The following FBXO38 variants were observed in gnomAD, a reference collection of about 807,000 sequenced individuals.
FBXO38 encodes F-box protein 38, also known as F-box only protein 38.
FBXO38 carries 53 observed loss-of-function variants against 131.9 expected under a neutral mutation model. The ratio of observed to expected loss-of-function variants is 0.40; its 90% CI spans 0.32 to 0.51. FBXO38 has a LOEUF of 0.51. FBXO38 is among the 20% of genes least tolerant of loss of function. FBXO38 has a pLI of 0.53. For synonymous variants in FBXO38, 452 were observed against 505.6 expected, an observed-to-expected ratio of 0.89 and a Z score of 1.42; for missense variants, 1,076 against 1,475.6, an observed-to-expected ratio of 0.73 and a Z score of 4.44.
intron 17 of FBXO38, chr5:148,434,717 A>G (rs1362273222): frequency 6.6e-6 from 1 of 152,230 alleles, no homozygotes; most frequent in Non-Finnish European, 1.5e-5. Flanking sequence ...CAGCACATAT[A>G]AAAGTTACGT....
intron 17 of FBXO38, 90 bp downstream of exon 17, chr5:148,433,827 T>C (rs993763595): frequency 1.8e-5 from 12 of 660,094 alleles, no homozygotes; most frequent in Non-Finnish European, 2.8e-5. Flanking sequence ...ATTACTGTCT[T>C]ATTTTCTTAA....
At chr5:148,410,443 G>C (rs1162896444) in intron 8 of FBXO38, 192 bp from the exon 9 acceptor site, 1 of 607,904 alleles carries the variant, frequency 1.6e-6, no homozygotes, top group Non-Finnish European at 2.8e-6. Flanking sequence ...GCTCCTTTTT[G>C]CCTTCAGCCA....
At chr5:148,409,264 G>A (rs1561525327) in intron 8 of FBXO38, 47 bp downstream of exon 8, 1 of 1,266,098 alleles carries the variant, frequency 7.9e-7, no homozygotes, top group African/African-American at 1.5e-5. Context: ...AAGTAATTAT[G>A]TTTTTCCCTA....
intron 1 of FBXO38, among the ~76,000 whole-genome samples, chr5:148,393,188 G>GGGGTGTGTGTGTGTGT (rs1420907423): frequency 2.4e-5 from 3 of 127,036 alleles, no homozygotes; most frequent in East Asian, 4.8e-4. Context: ...ACAGAAGAGG[G>GGGGTGTGTGTGTGTGT]GTGTGTGTGT....
At position 148,442,210 on chromosome 5, in the gene FBXO38, G is replaced by A; in HGVS notation, c.*63G>A. ...CAAGTAGGGCCATCCAGCTGCCAGA[G>A]TGCTCCACAGGGACTTGAGGCATGC... is the stretch of plus-strand genomic sequence containing the variant. On this transcript the variant is annotated 3_prime_UTR_variant, in exon 22 of 22. Coordinates refer to ENST00000340253, the MANE Select transcript of FBXO38 (RefSeq NM_205836.3). The A allele has an allele frequency of 2.0e-6, 3 of 1,519,166 alleles. No homozygotes were observed. The highest frequency in any genetic ancestry group is 2.7e-6 in the Non-Finnish European group (3 of 1,104,812). The allele number at this position is 1,519,166 out of a possible 1,614,324, so 94.1% of individuals were successfully genotyped here. A position where few individuals can be genotyped will look rare whatever the true frequency, so the allele number is the denominator to read the frequency against.
Position 148,401,932 on chromosome 5 carries a change from T to G in FBXO38, c.263-50T>G, listed in dbSNP as rs768532368. On this transcript the variant is annotated intron_variant, in intron 3 of 21. Transcript: ENST00000340253. ...AAAAATCACGAGTGCCTAGTAAATG[T>G]TAATGAACAGAAAGATGAACCTGGC... is the stretch of plus-strand genomic sequence containing the variant. 2.6e-6 allele frequency: 4 copies of G among 1,516,978 alleles called. No homozygotes were observed. In the African/African-American group the frequency reaches 5.6e-5, roughly 21 times the overall value. The allele number at this position is 1,516,978 out of a possible 1,614,324, so 94.0% of individuals were successfully genotyped here.
intron 12 of FBXO38, among the ~76,000 whole-genome samples, chr5:148,420,274 C>T (rs952105445): frequency 6.6e-6 from 1 of 151,864 alleles, no homozygotes; most frequent in Admixed American, 6.6e-5. Context: ...AAACGCGTGA[C>T]ACCACTCTCA....
At chr5:148,406,181 A>G (rs1752434915) in intron 6 of FBXO38, 76 bp from the exon 7 acceptor site, 1 of 1,355,088 alleles carries the variant, frequency 7.4e-7, no homozygotes, top group African/African-American at 1.5e-5. Context: ...TATAAGTTAT[A>G]CATGTCTTTC....
At chr5:148,434,817 C>G (rs1754250498) in intron 17 of FBXO38, 1 of 152,188 alleles carries the variant, frequency 6.6e-6, no homozygotes, top group Admixed American at 6.5e-5. Flanking sequence ...ATTGGCCAGG[C>G]ACGGTGGCTC....
Position 148,439,740 on chromosome 5 carries a change from C to G in FBXO38, c.3118C>G (p.Arg1040Gly). Residue 1040 changes from arginine to glycine, a missense_variant, in exon 19 of 22, where the codon CGG (arginine) becomes GGG (glycine). Physicochemically the swap from Arg to Gly is moderately radical, Grantham distance 125. Coordinates refer to ENST00000340253, the MANE Select transcript of FBXO38 (RefSeq NM_205836.3). ...IHEFSNPPNV[R>G]NKVRIRSWMD... ...TGAATTCAGTAACCCTCCCAATGTC[C>G]GGAATAAGGTGCGCATTCGCAGCTG... 6.2e-7 allele frequency: 1 copy of G among 1,613,982 alleles called. No homozygotes were observed. Among genetic ancestry groups the G allele is most frequent in the Non-Finnish European group, 8.5e-7 (1 of 1,179,936 alleles).
chr5:148,410,900 A>G, intron 9 of FBXO38, 135 bp downstream of exon 9: 4 of 740,732 alleles, frequency 5.4e-6, no homozygotes, highest in Non-Finnish European at 8.4e-6. Context: ...ACGTCTTGAA[A>G]AATAAACTTT....
intron 17 of FBXO38, 116 bp from the exon 18 acceptor site, chr5:148,438,216 A>G (rs1011342827): frequency 2.3e-6 from 2 of 854,544 alleles, no homozygotes; most frequent in African/African-American, 1.7e-5. Flanking sequence ...GTACTCTATG[A>G]TATTATTTGA....
At chr5:148,411,929 T>C (rs539935294) in intron 9 of FBXO38, among the ~76,000 whole-genome samples, 296 of 152,290 alleles carry the variant, frequency 1.9e-3, no homozygotes, top group Admixed American at 5.0e-3. Flanking sequence ...TGATATTCTT[T>C]CTATAATTTT....
At chr5:148,408,691 G>C (rs1752574349) in intron 7 of FBXO38, among the ~76,000 whole-genome samples, 1 of 152,048 alleles carries the variant, frequency 6.6e-6, no homozygotes, top group Non-Finnish European at 1.5e-5. Flanking sequence ...CTATATATTA[G>C]TAATTTATGT....
chr5:148,384,794 G>A (rs948299165), intron 1 of FBXO38: 4 of 152,196 alleles, frequency 2.6e-5, no homozygotes, highest in Admixed American at 2.6e-4. Flanking sequence ...ACTTAGGAAG[G>A]TTCCTGTGCA....
At chr5:148,439,569 A>G in intron 18 of FBXO38, 78 bp from the exon 19 acceptor site, 5 of 1,373,116 alleles carry the variant, frequency 3.6e-6, no homozygotes, top group Non-Finnish European at 3.0e-6. Flanking sequence ...GTCCATGGAA[A>G]GATTGTTCAA....
At chr5:148,392,818 G>T (rs2113496660) in intron 1 of FBXO38, among the ~76,000 whole-genome samples, 1 of 152,210 alleles carries the variant, frequency 6.6e-6, no homozygotes, top group South Asian at 2.1e-4. Flanking sequence ...GTCAGATGGG[G>T]AAGCACTGGA....
At chr5:148,439,850 C>A (rs983506418) in intron 19 of FBXO38, 58 bp downstream of exon 19, 1 of 1,536,240 alleles carries the variant, frequency 6.5e-7, no homozygotes, top group Admixed American at 1.9e-5. Flanking sequence ...GCAGGGACTC[C>A]CAGAAGCAAA....
At chr5:148,393,188 GGTGTGTGTGTGTGTGTGTGT>G (rs60593654) in intron 1 of FBXO38, among the ~76,000 whole-genome samples, 1 of 127,036 alleles carries the variant, frequency 7.9e-6, no homozygotes, top group Non-Finnish European at 1.6e-5. Context: ...ACAGAAGAGG[GGTGTGTGTGTGTGTGTGTGT>G]GTGTGTGTGT....
Sources: gnomAD v4.1 joint callset for allele counts (sites outside exome capture counted in the v4.1 genomes callset) on GRCh38, gnomAD v4.1.1 for gene constraint, MANE v1.5 for transcripts, NCBI Gene and HGNC (gene_info 2026-07-23, HGNC 2026-07-21) for gene names.